GMDS: variants seen among roughly 807,000 people sequenced by gnomAD.
The protein encoded by GMDS is GDP-mannose 4,6 dehydratase.
GMDS carries 20 observed loss-of-function variants against 49.9 expected under a neutral mutation model. The observed-to-expected ratio is 0.40, with a 90% confidence interval of 0.28 to 0.58. The LOEUF (loss-of-function observed/expected upper bound fraction) is 0.58. Among genes scored for constraint, GMDS ranks in the 20% least tolerant of loss-of-function variants. The pLI is 0.42. For missense variants in GMDS, 362 were observed against 481.4 expected, an observed-to-expected ratio of 0.75 and a Z score of 2.32; for synonymous variants, 177 against 178.6, an observed-to-expected ratio of 0.99 and a Z score of 0.07.
chr6:2,186,258 T>C (rs1236514288), intron 1 of GMDS, among the ~76,000 whole-genome samples: 4 of 152,240 alleles, frequency 2.6e-5, no homozygotes, highest in African/African-American at 7.2e-5. Context: ...ACAATGTTAA[T>C]AGAATACTGT....
At chr6:1,871,827 A>G (rs909672992) in intron 7 of GMDS, among the ~76,000 whole-genome samples, 3 of 152,236 alleles carry the variant, frequency 2.0e-5, no homozygotes, top group African/African-American at 7.2e-5. Context: ...CATAGTTCAC[A>G]TTAACAGCAC....
intron 4 of GMDS, among the ~76,000 whole-genome samples, chr6:2,060,255 C>T (rs1011047497): frequency 6.6e-6 from 1 of 152,178 alleles, no homozygotes; most frequent in African/African-American, 2.4e-5. Context: ...CTGCTCATCA[C>T]GACTGCCTTG....
intron 7 of GMDS, among the ~76,000 whole-genome samples, chr6:1,860,590 T>TAACAG (rs1444266605): frequency 6.6e-6 from 1 of 152,212 alleles, no homozygotes; most frequent in Non-Finnish European, 1.5e-5. Context: ...AACTACATAC[T>TAACAG]AATAACAGTA....
chr6:1,705,614 G>T (rs1346877213), intron 9 of GMDS, among the ~76,000 whole-genome samples: 1 of 152,220 alleles, frequency 6.6e-6, no homozygotes, highest in East Asian at 1.9e-4. Context: ...TTTAAGGGAA[G>T]TTTTGATTTT....
chr6:2,224,886 C>T (rs1780749090), intron 1 of GMDS, among the ~76,000 whole-genome samples: 1 of 152,158 alleles, frequency 6.6e-6, no homozygotes, highest in Non-Finnish European at 1.5e-5. Flanking sequence ...TGGCTAGTAC[C>T]ATTATCCTCA....
At chr6:2,236,711 C>G (rs1283560277) in intron 1 of GMDS, among the ~76,000 whole-genome samples, 1 of 152,158 alleles carries the variant, frequency 6.6e-6, no homozygotes. Context: ...CAGTACCATT[C>G]TAAGAAACAT....
At chr6:2,236,707 C>G (rs1182049474) in intron 1 of GMDS, among the ~76,000 whole-genome samples, 2 of 152,100 alleles carry the variant, frequency 1.3e-5, no homozygotes, top group Non-Finnish European at 2.9e-5. Context: ...AATACAGTAC[C>G]ATTCTAAGAA....
intron 4 of GMDS, among the ~76,000 whole-genome samples, chr6:2,062,854 T>C (rs368606714): frequency 1.3e-5 from 2 of 152,246 alleles, no homozygotes; most frequent in African/African-American, 4.8e-5. Context: ...ACAAATTAAT[T>C]AATGTTTCTG....
intron 1 of GMDS, among the ~76,000 whole-genome samples, chr6:2,219,764 C>T (rs1017098866): frequency 6.6e-6 from 1 of 152,192 alleles, no homozygotes; most frequent in Non-Finnish European, 1.5e-5. Flanking sequence ...ATTTCAGTAT[C>T]ATGAATATTG....
rs73716931 is a variant in GMDS, at chr6:2,071,828, A to G, written c.345+43943T>C. Reference sequence around the variant, plus strand: ...TGAATACCAATTCCAAGACGGTCCAAGCTCGAGCTGCTTATGCCAATGTTT... The same window carrying G: ...TGAATACCAATTCCAAGACGGTCCAGGCTCGAGCTGCTTATGCCAATGTTT... On this transcript the variant is annotated intron_variant, in intron 4 of 10. Transcript: ENST00000380815. 4.3e-3 allele frequency among the ~76,000 whole-genome samples: 657 copies of G among 152,318 alleles called. 10 individuals are homozygous for G. The highest frequency in any genetic ancestry group is 0.015 in the African/African-American group (635 of 41,568).
chr6:1,914,784 CT>C (rs1244604347), intron 7 of GMDS, among the ~76,000 whole-genome samples: 1 of 152,218 alleles, frequency 6.6e-6, no homozygotes, highest in African/African-American at 2.4e-5. Flanking sequence ...TCATTCTTGA[CT>C]GGTGTCTGCA....
At position 1,944,906 on chromosome 6, in the gene GMDS, T is replaced by C. The variant is rs74346632; in HGVS notation, c.644-14676A>G. Among the ~76,000 whole-genome samples, 77 of 152,284 alleles carry C rather than the reference T, an allele frequency of 5.1e-4. 4 individuals are homozygous for C. The East Asian group carries it at 0.015, about 29-fold the overall frequency. ...CTAATGACAGTTTCTGTTATTCTCTTCTGTCACAGAAAAGTAAATATAGGC... is the reference window on the plus strand; with the variant it reads ...CTAATGACAGTTTCTGTTATTCTCTCCTGTCACAGAAAAGTAAATATAGGC... On this transcript the variant is annotated intron_variant, in intron 6 of 10. Coordinates refer to ENST00000380815, the MANE Select transcript of GMDS (RefSeq NM_001500.4).
chr6:1,864,809 G>T (rs1037316405), intron 7 of GMDS, among the ~76,000 whole-genome samples: 1 of 152,120 alleles, frequency 6.6e-6, no homozygotes, highest in Non-Finnish European at 1.5e-5. Flanking sequence ...GCAAACACCC[G>T]ACAAGGCTGA....
intron 9 of GMDS, among the ~76,000 whole-genome samples, chr6:1,669,683 C>T (rs1219280985): frequency 6.6e-6 from 1 of 151,962 alleles, no homozygotes. Context: ...GAGGCTGAGG[C>T]AGGCGGATCA....
At chr6:2,065,183 G>C (rs1210977352) in intron 4 of GMDS, among the ~76,000 whole-genome samples, 1 of 152,072 alleles carries the variant, frequency 6.6e-6, no homozygotes, top group Non-Finnish European at 1.5e-5. Flanking sequence ...CACACAGCCT[G>C]GTACTCCAAC....
chr6:2,046,553 A>G (rs1337923035), intron 4 of GMDS, among the ~76,000 whole-genome samples: 1 of 152,050 alleles, frequency 6.6e-6, no homozygotes, highest in Admixed American at 6.5e-5. Flanking sequence ...TTCACGTCTC[A>G]GGCTCAAGTG....
At chr6:1,878,136 A>G (rs1038649023) in intron 7 of GMDS, among the ~76,000 whole-genome samples, 1 of 151,908 alleles carries the variant, frequency 6.6e-6, no homozygotes, top group African/African-American at 2.4e-5. Flanking sequence ...ACATGGTGAA[A>G]CCCCGTCTCT....
chr6:1,707,530 C>T (rs184794923), intron 9 of GMDS, among the ~76,000 whole-genome samples: 2 of 151,328 alleles, frequency 1.3e-5, no homozygotes, highest in East Asian at 3.9e-4. Context: ...GGTGGGCTCC[C>T]CACCTTCCTC....
At chr6:1,786,091 C>T (rs1261316510) in intron 7 of GMDS, among the ~76,000 whole-genome samples, 1 of 152,194 alleles carries the variant, frequency 6.6e-6, no homozygotes, top group East Asian at 1.9e-4. Context: ...CCAGTGCCGT[C>T]CGAGAATTTG....
Sources: allele counts gnomAD v4.1 joint callset (sites outside exome capture counted in the v4.1 genomes callset), GRCh38; gene constraint gnomAD v4.1.1; transcripts MANE v1.5; gene names NCBI Gene and HGNC (gene_info 2026-07-23, HGNC 2026-07-21).